Variants in OTULINL observed in about 807,000 individuals in gnomAD.
The protein encoded by OTULINL is OTU deubiquitinase with linear linkage specificity like, also known as inactive ubiquitin thioesterase OTULINL.
Under a neutral mutation model 43.9 loss-of-function variants are expected in OTULINL, and 42 were observed. The ratio of observed to expected loss-of-function variants is 0.96; its 90% confidence interval spans 0.75 to 1.24. The LOEUF (loss-of-function observed/expected upper bound fraction) is 1.24. Ranked by LOEUF, OTULINL falls within the 50% of genes most tolerant of loss-of-function variation. OTULINL has a pLI of 0.00. For missense variants in OTULINL, 411 were observed against 426.4 expected (o/e 0.96, Z 0.32); for synonymous variants, 172 against 153.6 (o/e 1.12, Z -0.88).
chr5:14,601,409 AG>A lies in OTULINL; in HGVS notation c.317del (p.Gly106GlufsTer8), dbSNP rs1414894572. 1.9e-6 allele frequency: 3 copies of A among 1,614,212 alleles called. No homozygotes were observed. The highest frequency in any genetic ancestry group is 1.7e-5 in the Admixed American group (1 of 60,026). On this transcript the variant is annotated frameshift_variant, in exon 4 of 8. Transcript: ENST00000274217. LOFTEE classifies it high-confidence loss of function. ...LLSYCAREWK[G>X]ETPRNKLMRK... ...TCAGTTATTGTGCAAGAGAATGGAA[AG>A]GAGAGACACCCCGTAACAAGCTGAT...
At chr5:14,605,443 G>T (rs1759458229) in intron 5 of OTULINL, among the ~76,000 whole-genome samples, 1 of 152,152 alleles carries the variant, frequency 6.6e-6, no homozygotes, top group Non-Finnish European at 1.5e-5. Context: ...AAAGGTTTCT[G>T]ACGTGTCCTG....
chr5:14,583,986 T>A (rs1194631465), intron 1 of OTULINL, among the ~76,000 whole-genome samples: 2 of 152,192 alleles, frequency 1.3e-5, no homozygotes, highest in East Asian at 3.8e-4. Context: ...CTGCATAATA[T>A]TATCGGAAAG....
intron 7 of OTULINL, among the ~76,000 whole-genome samples, chr5:14,609,674 A>G (rs1759543782): frequency 7.4e-6 from 1 of 135,940 alleles, no homozygotes; most frequent in African/African-American, 2.9e-5. Flanking sequence ...TCTGTCGCCC[A>G]GGCGGGAGTG....
In OTULINL at chr5:14,610,352, G is replaced by A. The variant is rs773078189; in HGVS notation, c.*38G>A. The A allele has an allele frequency of 8.2e-6, 13 of 1,594,276 alleles. No homozygotes were observed. Among genetic ancestry groups the A allele is most frequent in the South Asian group, 5.5e-5 (5 of 90,344 alleles). On this transcript the variant is annotated 3_prime_UTR_variant, in exon 8 of 8. Transcript: ENST00000274217. ...CCGAACAGCAGTGCTCACCAGTGAC[G>A]GTGGTCACAGTTGCAATAAAGTCTC... is the stretch of plus-strand genomic sequence containing the variant.
In OTULINL at chr5:14,581,934, G is replaced by A. The variant is rs1759006539; in HGVS notation, c.40G>A (p.Glu14Lys). The change falls in exon 1 of 8, where the codon GAG (glutamate) becomes AAG (lysine). Residue 14 changes from glutamate to lysine, a missense_variant. Physicochemically the swap from Glu to Lys is moderately conservative, Grantham distance 56. Coordinates refer to ENST00000274217, the MANE Select transcript of OTULINL (RefSeq NM_019018.3). ...TRSPTRARER[E>K]RSGAPAAGSD... ...GAGCCCCACGCGGGCAAGGGAGCGGGAGCGGTCTGGCGCTCCCGCCGCAGG... is the reference window on the plus strand; with the variant it reads ...GAGCCCCACGCGGGCAAGGGAGCGGAAGCGGTCTGGCGCTCCCGCCGCAGG... 1 of 1,397,668 alleles carries A rather than the reference G, an allele frequency of 7.2e-7. No homozygotes were observed. The highest frequency in any genetic ancestry group is 1.5e-5 in the South Asian group (1 of 67,290). The allele number at this position is 1,397,668 out of a possible 1,614,324, so 86.6% of individuals were successfully genotyped here.
At chr5:14,601,287 G>GA (rs1759384762) in intron 3 of OTULINL, 43 bp downstream of exon 3, 1 of 1,610,244 alleles carries the variant, frequency 6.2e-7, no homozygotes, top group African/African-American at 1.3e-5. Context: ...TTAAGGTGCA[G>GA]AGAGGGTTCA....
At chr5:14,606,355 C>G (rs888609540) in intron 5 of OTULINL, among the ~76,000 whole-genome samples, 2 of 152,146 alleles carry the variant, frequency 1.3e-5, no homozygotes, top group Non-Finnish European at 1.5e-5. Flanking sequence ...CATGGGAATT[C>G]AAGATGAGAT....
At chr5:14,588,905 C>T (rs551076580) in intron 1 of OTULINL, among the ~76,000 whole-genome samples, 3 of 152,140 alleles carry the variant, frequency 2.0e-5, no homozygotes, top group African/African-American at 7.2e-5. Context: ...CACCCAGGGA[C>T]GATGGAATGA....
chr5:14,584,278 CTG>C lies in OTULINL; in HGVS notation c.64+2322_64+2323del, dbSNP rs1243155741. On this transcript the variant is annotated intron_variant, in intron 1 of 7. Coordinates refer to ENST00000274217, the MANE Select transcript of OTULINL (RefSeq NM_019018.3). ...TGTGGTTCTCTCCACCACTGTCCATCTGTTCAGTGGTAACATTCACATTTCAG... is the reference window on the plus strand; with the variant it reads ...TGTGGTTCTCTCCACCACTGTCCATCTTCAGTGGTAACATTCACATTTCAG... 2.6e-5 allele frequency among the ~76,000 whole-genome samples: 4 copies of C among 152,306 alleles called. No individual in the cohort carries two copies. In the East Asian group the frequency reaches 7.7e-4, roughly 29 times the overall value.
In OTULINL at chr5:14,610,336, A is replaced by G. The variant is rs1459972282; in HGVS notation, c.*22A>G. ...TTAAGTCCGCTGGGGGCCGAACAGC[A>G]GTGCTCACCAGTGACGGTGGTCACA... On this transcript the variant is annotated 3_prime_UTR_variant, in exon 8 of 8. Coordinates refer to ENST00000274217, the MANE Select transcript of OTULINL (RefSeq NM_019018.3). 1 of 1,606,010 alleles carries G rather than the reference A, an allele frequency of 6.2e-7. No individual in the cohort carries two copies. The highest frequency in any genetic ancestry group is 8.5e-7 in the Non-Finnish European group (1 of 1,176,488).
chr5:14,585,383 T>G (rs1759088134), intron 1 of OTULINL, among the ~76,000 whole-genome samples: 1 of 152,224 alleles, frequency 6.6e-6, no homozygotes, highest in Admixed American at 6.5e-5. Flanking sequence ...CCTATTGTAC[T>G]TCTACTCTTA....
rs25958 is a variant in OTULINL, at chr5:14,613,953, G to C, written c.*3639G>C. ...AGACCAAAGAAAGACAATTTTAATT[G>C]TGTCCAAGCTGACTTTTTTGAATGC... On this transcript the variant is annotated 3_prime_UTR_variant, in exon 8 of 8. Coordinates refer to ENST00000274217, the MANE Select transcript of OTULINL (RefSeq NM_019018.3). Among the ~76,000 whole-genome samples, 141,882 of 152,306 alleles carry C rather than the reference G, an allele frequency of 0.93. 66,226 individuals carry two copies. Among genetic ancestry groups the C allele is most frequent in the African/African-American group, 0.97 (40,480 of 41,566 alleles).
In OTULINL at chr5:14,614,322, A is replaced by C. The variant is rs1282489998; in HGVS notation, c.*4008A>C. On this transcript the variant is annotated 3_prime_UTR_variant, in exon 8 of 8. Coordinates refer to ENST00000274217, the MANE Select transcript of OTULINL (RefSeq NM_019018.3). ...TATATATGGGTATACTTTTCTCTATAGCCATTCACTTTTTTAAAGTTTTAA... is the reference window on the plus strand; with the variant it reads ...TATATATGGGTATACTTTTCTCTATCGCCATTCACTTTTTTAAAGTTTTAA... Among the ~76,000 whole-genome samples the C allele has an allele frequency of 6.6e-6, 1 of 152,226 alleles. No individual in the cohort carries two copies. The highest frequency in any genetic ancestry group is 2.4e-5 in the African/African-American group (1 of 41,460).
chr5:14,597,530 C>T (rs984873858), intron 1 of OTULINL, among the ~76,000 whole-genome samples: 2 of 152,208 alleles, frequency 1.3e-5, no homozygotes, highest in Non-Finnish European at 2.9e-5. Flanking sequence ...TCCTGTAGAA[C>T]ACTTAACATA....
intron 1 of OTULINL, among the ~76,000 whole-genome samples, chr5:14,591,693 G>A (rs1759205564): frequency 6.6e-6 from 1 of 152,100 alleles, no homozygotes; most frequent in South Asian, 2.1e-4. Flanking sequence ...CAGGTCCAAA[G>A]GGCTTTAAGC....
intron 5 of OTULINL, 88 bp from the exon 6 acceptor site, chr5:14,607,238 AAAAG>A: frequency 7.2e-7 from 1 of 1,382,994 alleles, no homozygotes; most frequent in Non-Finnish European, 9.8e-7. Flanking sequence ...TCGAAAAAAA[AAAAG>A]ATAAGGTTGT....
At chr5:14,608,630 T>TA (rs954142470) in intron 6 of OTULINL, 118 bp from the exon 7 acceptor site, 3 of 859,290 alleles carry the variant, frequency 3.5e-6, no homozygotes, top group Non-Finnish European at 3.5e-6. Context: ...AGTGAAGAGT[T>TA]AAAGTTCCAC....
chr5:14,599,995 A>G (rs1361163894), intron 1 of OTULINL, among the ~76,000 whole-genome samples: 1 of 152,182 alleles, frequency 6.6e-6, no homozygotes, highest in Non-Finnish European at 1.5e-5. Flanking sequence ...TATGGCATGC[A>G]ATGTTTCAAA....
At chr5:14,606,986 T>G (rs1230185081) in intron 5 of OTULINL, among the ~76,000 whole-genome samples, 1 of 152,212 alleles carries the variant, frequency 6.6e-6, no homozygotes, top group African/African-American at 2.4e-5. Context: ...TCCAGCACTT[T>G]GGGAGGCCAA....
Sources: gnomAD v4.1 joint callset for allele counts (sites outside exome capture counted in the v4.1 genomes callset) on GRCh38, gnomAD v4.1.1 for gene constraint, MANE v1.5 for transcripts, NCBI Gene and HGNC (gene_info 2026-07-23, HGNC 2026-07-21) for gene names.